Variants in RTF1 observed in about 807,000 individuals in gnomAD.
RTF1 encodes the protein RTF1 homolog, Paf1/RNA polymerase II complex component.
A neutral mutation model predicts 95.7 loss-of-function variants in RTF1; 10 were observed. The observed-to-expected ratio is 0.10, with a 90% CI of 0.06 to 0.18. The LOEUF is 0.18. Ranked by LOEUF, RTF1 falls within the 10% of genes least tolerant of loss-of-function variation. The pLI is 1.00. For synonymous variants in RTF1, 305 were observed against 311.8 expected (o/e 0.98, Z 0.23); for missense variants, 458 against 875.6 (o/e 0.52, Z 6.02).
chr15:41,430,011 C>A (rs201396058), intron 1 of RTF1, among the ~76,000 whole-genome samples: 1 of 130,046 alleles, frequency 7.7e-6, no homozygotes, highest in Non-Finnish European at 1.7e-5. Flanking sequence ...TTTTTCTTTT[C>A]TTTTTTTTTT....
intron 1 of RTF1, among the ~76,000 whole-genome samples, chr15:41,429,793 A>G (rs983533385): frequency 8.6e-5 from 13 of 151,902 alleles, no homozygotes; most frequent in African/African-American, 2.7e-4. Context: ...AGTGCCTCAG[A>G]GAAGCCTCTC....
At chr15:41,476,091 G>T (rs1235395480) in intron 11 of RTF1, among the ~76,000 whole-genome samples, 1 of 152,048 alleles carries the variant, frequency 6.6e-6, no homozygotes, top group African/African-American at 2.4e-5. Flanking sequence ...AGGGTTCAGG[G>T]GTCTGTATTC....
intron 8 of RTF1, among the ~76,000 whole-genome samples, chr15:41,472,322 T>C (rs1205197422): frequency 6.6e-6 from 1 of 151,292 alleles, no homozygotes; most frequent in East Asian, 2.0e-4. Context: ...TTCCCCTGCC[T>C]CAGCCTCCCG....
chr15:41,460,707 T>C (rs1423090844), intron 4 of RTF1, among the ~76,000 whole-genome samples: 1 of 152,084 alleles, frequency 6.6e-6, no homozygotes, highest in Admixed American at 6.6e-5. Context: ...AATTTTTTTT[T>C]TTTTTAGACA....
chr15:41,480,051 GCT>G (rs915505425), intron 16 of RTF1, among the ~76,000 whole-genome samples, 161 bp from the exon 17 acceptor site: 4 of 152,110 alleles, frequency 2.6e-5, no homozygotes, highest in Non-Finnish European at 4.4e-5. Flanking sequence ...AGGAGAGAAA[GCT>G]CTTTGTCTGT....
chr15:41,437,263 A>G (rs1438806551), intron 1 of RTF1, among the ~76,000 whole-genome samples: 1 of 151,884 alleles, frequency 6.6e-6, no homozygotes, highest in Non-Finnish European at 1.5e-5. Flanking sequence ...TGGGATGCCA[A>G]GGCGGGCGGA....
In RTF1 at chr15:41,452,960, A is replaced by G. The variant is rs1718987131; in HGVS notation, c.369A>G (p.Lys123=). The change falls in exon 3 of 18, where the codon AAA becomes AAG. Residue 123 remains lysine (K), a synonymous_variant. Coordinates refer to ENST00000389629, the MANE Select transcript of RTF1 (RefSeq NM_015138.5). The stretch of plus-strand genomic sequence containing the variant: ...GAAAAGCCAGAAAAATAGAGAAGAA[A>G]GGAACCATGAAGAAACAGGCCAACA... ...KKGKARKIEK[K]GTMKKQANKT... is the part of the protein sequence containing the mutation. 1.9e-6 allele frequency: 3 copies of G among 1,613,192 alleles called. No individual in the cohort carries two copies. Among genetic ancestry groups the G allele is most frequent in the Non-Finnish European group, 2.5e-6 (3 of 1,179,692 alleles).
intron 2 of RTF1, among the ~76,000 whole-genome samples, chr15:41,445,583 T>G (rs112538428): frequency 0.036 from 5,509 of 152,272 alleles, 119 homozygotes; most frequent in Middle Eastern, 0.088. Flanking sequence ...TAGTGTCTTT[T>G]GTACTTTATC....
At chr15:41,466,679 T>C (rs1480280737) in intron 6 of RTF1, among the ~76,000 whole-genome samples, 1 of 152,264 alleles carries the variant, frequency 6.6e-6, no homozygotes, top group East Asian at 1.9e-4. Flanking sequence ...ATTTGTTTTG[T>C]AATTTAAAAA....
At chr15:41,429,848 T>G (rs1298342041) in intron 1 of RTF1, among the ~76,000 whole-genome samples, 2 of 151,998 alleles carry the variant, frequency 1.3e-5, no homozygotes, top group Non-Finnish European at 2.9e-5. Context: ...TTGATTCACT[T>G]CCTTCTTAAC....
At chr15:41,480,480 G>C in intron 17 of RTF1, 101 bp from the exon 18 acceptor site, 2 of 998,668 alleles carry the variant, frequency 2.0e-6, no homozygotes, top group Non-Finnish European at 3.2e-6. Flanking sequence ...TATGGTGAGA[G>C]GGAACAGGGC....
chr15:41,442,350 A>G lies in RTF1; in HGVS notation c.309+3919A>G, dbSNP rs183857220. 3.8e-3 allele frequency among the ~76,000 whole-genome samples: 577 copies of G among 151,610 alleles called. 3 individuals carry two copies. Among genetic ancestry groups the G allele is most frequent in the African/African-American group, 8.9e-3 (369 of 41,366 alleles). On this transcript the variant is annotated intron_variant, in intron 2 of 17. Coordinates refer to ENST00000389629, the MANE Select transcript of RTF1 (RefSeq NM_015138.5). ...GCCTGGCTAATTTTTTGTATTTTTAATAGAGACGGGGTTTTACAGTGCTAG... is the reference window on the plus strand; with the variant it reads ...GCCTGGCTAATTTTTTGTATTTTTAGTAGAGACGGGGTTTTACAGTGCTAG...
intron 1 of RTF1, among the ~76,000 whole-genome samples, chr15:41,421,595 C>G (rs2050601855): frequency 6.7e-6 from 1 of 149,974 alleles, no homozygotes; most frequent in Non-Finnish European, 1.5e-5. Flanking sequence ...CCCACCGTTT[C>G]TCTTCAGCCC....
At chr15:41,457,491 C>G (rs1482761081) in intron 3 of RTF1, among the ~76,000 whole-genome samples, 181 bp from the exon 4 acceptor site, 1 of 152,146 alleles carries the variant, frequency 6.6e-6, no homozygotes. Context: ...TGCCACTGCA[C>G]TCCAGCCTAG....
At chr15:41,474,735 C>T in intron 9 of RTF1, 33 bp downstream of exon 9, 1 of 1,481,628 alleles carries the variant, frequency 6.7e-7, no homozygotes. Flanking sequence ...CTTCTGCTTC[C>T]ACTTCAAACA....
chr15:41,475,692 G>GT lies in RTF1; in HGVS notation c.1375-19dup. The GT allele has an allele frequency of 6.2e-7, 1 of 1,600,060 alleles. No individual in the cohort carries two copies. The highest frequency in any genetic ancestry group is 8.6e-7 in the Non-Finnish European group (1 of 1,167,494). Reference sequence around the variant, plus strand: ...TCCAAAATCCCTTACTAATAATCTCGTATCGTGTTTTTGATCCAGATGTTC... The same window carrying GT: ...TCCAAAATCCCTTACTAATAATCTCGTTATCGTGTTTTTGATCCAGATGTTC... On this transcript the variant is annotated intron_variant, in intron 10 of 17. Coordinates refer to ENST00000389629, the MANE Select transcript of RTF1 (RefSeq NM_015138.5).
At chr15:41,441,005 TC>T (rs1225775017) in intron 2 of RTF1, among the ~76,000 whole-genome samples, 1 of 127,646 alleles carries the variant, frequency 7.8e-6, no homozygotes, top group Non-Finnish European at 1.6e-5. Flanking sequence ...GGAGTCTCAC[TC>T]TGTCACCCAG....
At chr15:41,479,966 C>A (rs746221814) in intron 16 of RTF1, among the ~76,000 whole-genome samples, 2 of 152,026 alleles carry the variant, frequency 1.3e-5, no homozygotes, top group Non-Finnish European at 2.9e-5. Flanking sequence ...GGAAGTGACC[C>A]GTTGCTTAAG....
chr15:41,459,201 C>T (rs887151718), intron 4 of RTF1, among the ~76,000 whole-genome samples: 2 of 152,128 alleles, frequency 1.3e-5, no homozygotes, highest in African/African-American at 4.8e-5. Flanking sequence ...GGCAACATGG[C>T]AAAACGCTCT....
Sources: allele counts gnomAD v4.1 joint callset (sites outside exome capture counted in the v4.1 genomes callset), GRCh38; gene constraint gnomAD v4.1.1; transcripts MANE v1.5; gene names NCBI Gene and HGNC (gene_info 2026-07-23, HGNC 2026-07-21).